The following CTNND2 variants were observed in gnomAD, a reference collection of about 807,000 sequenced individuals.
CTNND2 encodes catenin delta 2, also known as catenin delta-2.
A neutral mutation model predicts 144.4 loss-of-function variants in CTNND2; 22 were observed. That is an observed-to-expected ratio of 0.15 (90% CI 0.11 to 0.22). The LOEUF (loss-of-function observed/expected upper bound fraction) is 0.22. Among genes scored for constraint, CTNND2 ranks in the 10% least tolerant of loss-of-function variants. The pLI, the probability that CTNND2 is intolerant of heterozygous loss-of-function variation, is 1.00. For synonymous variants in CTNND2, 751 were observed against 695.6 expected (o/e 1.08, Z -1.25); for missense variants, 1,353 against 1,618.8 (o/e 0.84, Z 2.82).
intron 2 of CTNND2, among the ~76,000 whole-genome samples, chr5:11,630,058 T>A (rs1042941259): frequency 2.0e-5 from 3 of 152,178 alleles, no homozygotes; most frequent in Non-Finnish European, 4.4e-5. Context: ...TATACGTGCA[T>A]TTTTGAAAAA....
intron 9 of CTNND2, among the ~76,000 whole-genome samples, chr5:11,304,042 C>T (rs545231869): frequency 1.3e-5 from 2 of 152,238 alleles, no homozygotes; most frequent in East Asian, 1.9e-4. Context: ...TTTCACCTTC[C>T]ACCGTGATTG....
intron 1 of CTNND2, among the ~76,000 whole-genome samples, chr5:11,766,605 G>T (rs776776172): frequency 7.9e-5 from 12 of 152,048 alleles, no homozygotes; most frequent in Non-Finnish European, 8.8e-5. Flanking sequence ...TCTTTCTTTT[G>T]TAAATTGCCC....
At chr5:11,518,259 G>C (rs547043724) in intron 3 of CTNND2, among the ~76,000 whole-genome samples, 1 of 149,892 alleles carries the variant, frequency 6.7e-6, no homozygotes, top group African/African-American at 2.5e-5. Context: ...AACATTTAAA[G>C]AGTAAAAAAA....
chr5:11,824,727 A>G (rs576687102), intron 1 of CTNND2, among the ~76,000 whole-genome samples: 1 of 152,292 alleles, frequency 6.6e-6, no homozygotes, highest in South Asian at 2.1e-4. Context: ...TCCTGCTGGC[A>G]CCCATCATGT....
intron 1 of CTNND2, among the ~76,000 whole-genome samples, chr5:11,750,852 T>C (rs1257932286): frequency 6.6e-6 from 1 of 151,860 alleles, no homozygotes; most frequent in Non-Finnish European, 1.5e-5. Context: ...TAAATTATCT[T>C]ATACACCAAG....
chr5:11,648,499 G>C (rs1782477493), intron 2 of CTNND2, among the ~76,000 whole-genome samples: 1 of 152,026 alleles, frequency 6.6e-6, no homozygotes, highest in Non-Finnish European at 1.5e-5. Context: ...TTTACACCTT[G>C]CTGCACTTGG....
At chr5:11,618,826 T>G (rs1488307359) in intron 2 of CTNND2, among the ~76,000 whole-genome samples, 1 of 152,216 alleles carries the variant, frequency 6.6e-6, no homozygotes, top group African/African-American at 2.4e-5. Context: ...TGTATACTCA[T>G]TTTATATGAT....
Position 11,578,589 on chromosome 5 carries a change from A to C in CTNND2, c.175-13533T>G, listed in dbSNP as rs1374678880. ...GGCAGGTAAATCGCTTGAACTCGGG[A>C]GGCAGAGGTTGCAGTGAGCTGAGAT... On this transcript the variant is annotated intron_variant, in intron 2 of 21. Coordinates refer to ENST00000304623, the MANE Select transcript of CTNND2 (RefSeq NM_001332.4). Among the ~76,000 whole-genome samples the C allele has an allele frequency of 2.6e-5, 4 of 152,250 alleles. No homozygotes were observed. In the East Asian group the frequency reaches 7.7e-4, roughly 29 times the overall value.
chr5:11,804,973 T>A (rs1332575895), intron 1 of CTNND2, among the ~76,000 whole-genome samples: 2 of 152,174 alleles, frequency 1.3e-5, no homozygotes. Flanking sequence ...TGGAAATGAA[T>A]GGCGATTGCA....
At chr5:11,427,129 A>C (rs1762845747) in intron 3 of CTNND2, among the ~76,000 whole-genome samples, 1 of 152,190 alleles carries the variant, frequency 6.6e-6, no homozygotes, top group Non-Finnish European at 1.5e-5. Flanking sequence ...TGTGCTAACA[A>C]CTTAAAATTT....
chr5:11,451,501 G>T (rs61760338), intron 3 of CTNND2, among the ~76,000 whole-genome samples: 1,588 of 152,260 alleles, frequency 0.01, 34 homozygotes, highest in African/African-American at 0.037. Context: ...AATTTGAAAT[G>T]ATGTTCAAAG....
chr5:11,055,449 C>A (rs1208471237), intron 16 of CTNND2, among the ~76,000 whole-genome samples: 1 of 152,150 alleles, frequency 6.6e-6, no homozygotes, highest in Non-Finnish European at 1.5e-5. Context: ...CCCCTCGAAG[C>A]CCATTTGTTT....
chr5:11,010,114 T>C (rs891965755), intron 18 of CTNND2, among the ~76,000 whole-genome samples: 2 of 152,234 alleles, frequency 1.3e-5, no homozygotes, highest in African/African-American at 4.8e-5. Context: ...TAGCCTTGGG[T>C]TGTTTTAAAA....
chr5:11,343,145 T>A (rs553724702), intron 9 of CTNND2, among the ~76,000 whole-genome samples: 20 of 152,294 alleles, frequency 1.3e-4, no homozygotes, highest in African/African-American at 4.6e-4. Flanking sequence ...TCCAAATGAC[T>A]GAGCCAACCA....
At chr5:11,338,785 C>G (rs1022289054) in intron 9 of CTNND2, among the ~76,000 whole-genome samples, 5 of 152,126 alleles carry the variant, frequency 3.3e-5, no homozygotes, top group Non-Finnish European at 7.4e-5. Flanking sequence ...TGTGTGTGAA[C>G]ATTACTTTCT....
Position 11,043,455 on chromosome 5 carries a change from T to C in CTNND2, c.2789-20476A>G, listed in dbSNP as rs115879252. On this transcript the variant is annotated intron_variant, in intron 16 of 21. Transcript: ENST00000304623. ...TGTGATGAGTTTAAAACTTTGGTAG[T>C]TGTATTTGCGCTATACTAAAAAAAA... Among the ~76,000 whole-genome samples, 1,035 of 152,284 alleles carry C rather than the reference T, an allele frequency of 6.8e-3. 7 individuals are homozygous for C. Among genetic ancestry groups the C allele is most frequent in the Middle Eastern group, 0.02 (6 of 294 alleles).
intron 9 of CTNND2, among the ~76,000 whole-genome samples, chr5:11,334,847 T>G (rs886258306): frequency 6.6e-6 from 1 of 152,320 alleles, no homozygotes; most frequent in African/African-American, 2.4e-5. Context: ...GTATGGAATT[T>G]TAAACAATAA....
chr5:11,676,848 C>T (rs2126616077), intron 2 of CTNND2, among the ~76,000 whole-genome samples: 1 of 152,290 alleles, frequency 6.6e-6, no homozygotes, highest in South Asian at 2.1e-4. Context: ...AAATCTATGA[C>T]TTCCATTAAT....
chr5:11,827,910 A>G (rs1793683940), intron 1 of CTNND2, among the ~76,000 whole-genome samples: 1 of 152,226 alleles, frequency 6.6e-6, no homozygotes, highest in Admixed American at 6.5e-5. Context: ...ACACTTCTTA[A>G]ATCATTTTAT....
Sources: gnomAD v4.1 joint callset for allele counts (sites outside exome capture counted in the v4.1 genomes callset) on GRCh38, gnomAD v4.1.1 for gene constraint, MANE v1.5 for transcripts, NCBI Gene and HGNC (gene_info 2026-07-23, HGNC 2026-07-21) for gene names.